GCLM: variants seen among roughly 807,000 people sequenced by gnomAD.
GCLM encodes the protein glutamate--cysteine ligase regulatory subunit.
GCLM carries 15 observed loss-of-function variants against 36.0 expected under a neutral mutation model. That is an observed-to-expected ratio of 0.42 (90% confidence interval 0.28 to 0.64). The LOEUF (loss-of-function observed/expected upper bound fraction) is 0.64. Among genes scored for constraint, GCLM ranks in the 30% least tolerant of loss-of-function variants. GCLM has a pLI of 0.25. For missense variants in GCLM, 242 were observed against 325.5 expected (o/e 0.74, Z 1.97); for synonymous variants, 129 against 122.8 (o/e 1.05, Z -0.34).
chr1:93,889,485 A>G (rs1190710095), intron 6 of GCLM, among the ~76,000 whole-genome samples: 3 of 152,100 alleles, frequency 2.0e-5, no homozygotes, highest in Non-Finnish European at 4.4e-5. Flanking sequence ...TCTAAAGAAA[A>G]AAAAAGTAAC....
intron 6 of GCLM, among the ~76,000 whole-genome samples, chr1:93,891,970 C>T (rs1656552767): frequency 6.6e-6 from 1 of 152,042 alleles, no homozygotes; most frequent in African/African-American, 2.4e-5. Flanking sequence ...GTAAGTTGGC[C>T]AAGGTCACAC....
rs140195047 is a variant in GCLM, at chr1:93,904,112, T to A, written c.192+411A>T. Reference sequence around the variant, plus strand: ...ATTAACATTTATGATAGTAGCCATATACTGACATTTAGTGGAACACAGTTC... The same window carrying A: ...ATTAACATTTATGATAGTAGCCATAAACTGACATTTAGTGGAACACAGTTC... On this transcript the variant is annotated intron_variant, in intron 2 of 6. Coordinates refer to ENST00000370238, the MANE Select transcript of GCLM (RefSeq NM_002061.4). Among the ~76,000 whole-genome samples, 326 of 152,342 alleles carry A rather than the reference T, an allele frequency of 2.1e-3. 1 individual carries two copies. The highest frequency in any genetic ancestry group is 7.4e-3 in the African/African-American group (308 of 41,580).
chr1:93,906,235 T>A (rs114372326), intron 1 of GCLM, among the ~76,000 whole-genome samples: 1,889 of 152,312 alleles, frequency 0.012, 36 homozygotes, highest in African/African-American at 0.043. Context: ...AATTATAAGG[T>A]CTAGATCTTT....
chr1:93,898,286 G>A (rs1251847514), intron 3 of GCLM, among the ~76,000 whole-genome samples: 1 of 46,400 alleles, frequency 2.2e-5, no homozygotes, highest in African/African-American at 1.0e-4. Flanking sequence ...AATTGAAAAT[G>A]TAATGAGAAG....
At chr1:93,908,977 A>ACCGCCCGGCC in intron 1 of GCLM, 61 bp downstream of exon 1, 1 of 1,333,998 alleles carries the variant, frequency 7.5e-7, no homozygotes, top group Non-Finnish European at 9.6e-7. Flanking sequence ...CCTTGCCGGA[A>ACCGCCCGGCC]CCGCCCGGCC....
intron 2 of GCLM, among the ~76,000 whole-genome samples, chr1:93,903,165 T>C (rs1450530368): frequency 2.0e-5 from 3 of 152,152 alleles, no homozygotes; most frequent in Admixed American, 2.0e-4. Flanking sequence ...CTGCTATAAA[T>C]ATCCATGCAT....
intron 4 of GCLM, among the ~76,000 whole-genome samples, chr1:93,897,513 T>C (rs1314267761): frequency 2.0e-5 from 3 of 150,842 alleles, no homozygotes; most frequent in Admixed American, 1.3e-4. Context: ...TGGATTTTTT[T>C]TGGATTTTTT....
chr1:93,895,963 C>CTTT (rs577913729), intron 5 of GCLM, among the ~76,000 whole-genome samples: 6 of 133,526 alleles, frequency 4.5e-5, no homozygotes, highest in Non-Finnish European at 6.4e-5. Flanking sequence ...GTTTTTCTTT[C>CTTT]TTTTTTTTTT....
At chr1:93,903,934 A>G (rs1047678567) in intron 2 of GCLM, among the ~76,000 whole-genome samples, 6 of 152,202 alleles carry the variant, frequency 3.9e-5, no homozygotes, top group African/African-American at 1.4e-4. Context: ...CTCAATGTCT[A>G]TATAGTAGCT....
Position 93,887,606 on chromosome 1 carries a change from G to C in GCLM, c.*1384C>G, listed in dbSNP as rs1304348974. On this transcript the variant is annotated 3_prime_UTR_variant, in exon 7 of 7. Coordinates refer to ENST00000370238, the MANE Select transcript of GCLM (RefSeq NM_002061.4). ...CTGCCTCAGCCTCCCAAGTAGCTGA[G>C]ATTACAGGCGAGTGCCACCACGCCC... 6.6e-6 allele frequency: 1 copy of C among 152,116 alleles called. No individual in the cohort carries two copies. The highest frequency in any genetic ancestry group is 1.5e-5 in the Non-Finnish European group (1 of 68,250). 9.4% of individuals were successfully genotyped at this position (152,116 alleles called of 1,614,324 possible).
chr1:93,892,405 TAAA>T (rs779089605), intron 6 of GCLM, among the ~76,000 whole-genome samples: 4 of 152,104 alleles, frequency 2.6e-5, no homozygotes, highest in African/African-American at 4.8e-5. Flanking sequence ...TTTGGTTGCT[TAAA>T]AAAATAAAAA....
intron 3 of GCLM, among the ~76,000 whole-genome samples, chr1:93,900,613 G>C (rs373115894): frequency 1.6e-4 from 25 of 152,142 alleles, no homozygotes; most frequent in African/African-American, 6.0e-4. Context: ...ATTGTCTTGA[G>C]AATTAAATGA....
intron 5 of GCLM, among the ~76,000 whole-genome samples, chr1:93,896,374 C>T (rs1324657109): frequency 6.6e-6 from 1 of 152,118 alleles, no homozygotes; most frequent in Non-Finnish European, 1.5e-5. Flanking sequence ...ATTTTTGTCA[C>T]TCATTTTAAC....
At chr1:93,908,423 T>C (rs529952647) in intron 1 of GCLM, among the ~76,000 whole-genome samples, 5 of 152,346 alleles carry the variant, frequency 3.3e-5, no homozygotes, top group South Asian at 2.1e-4. Flanking sequence ...GAATGTACAA[T>C]GATATTGTTA....
intron 6 of GCLM, among the ~76,000 whole-genome samples, 191 bp downstream of exon 6, chr1:93,894,423 C>T (rs894114304): frequency 2.0e-5 from 3 of 151,538 alleles, no homozygotes; most frequent in African/African-American, 7.3e-5. Context: ...ACTTTTTTTT[C>T]CCCATTGGTA....
Position 93,888,279 on chromosome 1 carries a change from T to C in GCLM, c.*711A>G, listed in dbSNP as rs752262133. ...AGAATCTGGATGGAGGTGACAGTAG[T>C]TGCTTTTATAAAACCCCCAAACAAT... On this transcript the variant is annotated 3_prime_UTR_variant, in exon 7 of 7. Transcript: ENST00000370238. The C allele has an allele frequency of 1.3e-5, 2 of 152,220 alleles. No individual in the cohort carries two copies. The highest frequency in any genetic ancestry group is 2.9e-5 in the Non-Finnish European group (2 of 68,032). 9.4% of individuals were successfully genotyped at this position (152,220 alleles called of 1,614,324 possible).
At chr1:93,894,143 A>G (rs977993870) in intron 6 of GCLM, among the ~76,000 whole-genome samples, 6 of 151,950 alleles carry the variant, frequency 3.9e-5, no homozygotes, top group African/African-American at 1.5e-4. Context: ...CTGTAGTCCC[A>G]GCTACTCGGA....
Position 93,888,143 on chromosome 1 carries a change from C to T in GCLM, c.*847G>A, listed in dbSNP as rs1656392835. 1 of 151,972 alleles carries T rather than the reference C, an allele frequency of 6.6e-6. No homozygotes were observed. Among genetic ancestry groups the T allele is most frequent in the African/African-American group, 2.4e-5 (1 of 41,396 alleles). The allele number at this position is 151,972 out of a possible 1,614,324, so 9.4% of individuals were successfully genotyped here. On this transcript the variant is annotated 3_prime_UTR_variant, in exon 7 of 7. Transcript: ENST00000370238. ...ATTCTTAATTCCTAGCTCTATTGCC[C>T]CCTCCTCTCTCCAGAGCCCACAGTA... is the stretch of plus-strand genomic sequence containing the variant.
rs1656362228 is a variant in GCLM at position 93,887,500 on chromosome 1, T to C, written c.*1490A>G. 1 of 148,650 alleles carries C rather than the reference T, an allele frequency of 6.7e-6. No individual in the cohort carries two copies. The allele number at this position is 148,650 out of a possible 1,614,324, so 9.2% of individuals were successfully genotyped here. A position where few individuals can be genotyped will look rare whatever the true frequency, so the allele number is the denominator to read the frequency against. ...TTTTTTTTTTTTTTGAGATGGAGTC[T>C]CGCTCTGTCGCCCAGGCTGGAGTGC... On this transcript the variant is annotated 3_prime_UTR_variant, in exon 7 of 7. Coordinates refer to ENST00000370238, the MANE Select transcript of GCLM (RefSeq NM_002061.4).
Sources: gnomAD v4.1 joint callset for allele counts (sites outside exome capture counted in the v4.1 genomes callset) on GRCh38, gnomAD v4.1.1 for gene constraint, MANE v1.5 for transcripts, NCBI Gene and HGNC (gene_info 2026-07-23, HGNC 2026-07-21) for gene names.